ACSS3: variants seen among roughly 807,000 people sequenced by gnomAD.
ACSS3 encodes the protein acyl-CoA synthetase short-chain family member 3, mitochondrial.
Under a neutral mutation model 84.2 loss-of-function variants are expected in ACSS3, and 64 were observed. The observed-to-expected ratio is 0.76, with a 90% CI of 0.62 to 0.94. The LOEUF is 0.94. ACSS3 is among the 40% of genes least tolerant of loss of function. The pLI, the probability that ACSS3 is intolerant of heterozygous loss-of-function variation, is 0.00. For missense variants in ACSS3, 815 were observed against 867.6 expected (o/e 0.94, Z 0.76); for synonymous variants, 317 against 310.1 (o/e 1.02, Z -0.23).
intron 9 of ACSS3, among the ~76,000 whole-genome samples, chr12:81,210,981 ATTG>A (rs1479100592): frequency 6.6e-6 from 1 of 151,856 alleles, no homozygotes; most frequent in African/African-American, 2.4e-5. Context: ...TTAATTTTCC[ATTG>A]TTGTTGTTTC....
intron 9 of ACSS3, among the ~76,000 whole-genome samples, chr12:81,207,685 G>A (rs10506274): frequency 1.3e-5 from 2 of 151,914 alleles, no homozygotes; most frequent in South Asian, 2.1e-4. Flanking sequence ...CGGAACTTAC[G>A]TTTGAGAAAA....
intron 8 of ACSS3, among the ~76,000 whole-genome samples, chr12:81,197,954 C>A (rs998260015): frequency 1.3e-5 from 2 of 152,122 alleles, no homozygotes; most frequent in African/African-American, 4.8e-5. Flanking sequence ...CCCCGCTTAG[C>A]CTCCCAGGTC....
intron 13 of ACSS3, among the ~76,000 whole-genome samples, chr12:81,243,357 A>C (rs1439224130): frequency 6.6e-6 from 1 of 152,212 alleles, no homozygotes; most frequent in East Asian, 1.9e-4. Flanking sequence ...ATGAAATAAA[A>C]GAGGATACAA....
intron 5 of ACSS3, among the ~76,000 whole-genome samples, chr12:81,150,078 A>G (rs1313401853): frequency 1.3e-5 from 2 of 152,160 alleles, no homozygotes; most frequent in East Asian, 3.8e-4. Flanking sequence ...CAATTGAATT[A>G]CTACTCAGTT....
chr12:81,121,968 C>G (rs190823440), intron 2 of ACSS3, among the ~76,000 whole-genome samples: 5 of 145,918 alleles, frequency 3.4e-5, no homozygotes, highest in Admixed American at 6.7e-5. Context: ...GAGTCTTGCT[C>G]TGCTGCCCAG....
chr12:81,230,911 A>G (rs1276211174), intron 11 of ACSS3, 146 bp from the exon 12 acceptor site: 6 of 664,184 alleles, frequency 9.0e-6, no homozygotes, highest in Non-Finnish European at 1.5e-5. Context: ...TCTGTTAGAC[A>G]TGATCTGTCC....
intron 10 of ACSS3, among the ~76,000 whole-genome samples, 191 bp from the exon 11 acceptor site, chr12:81,219,822 T>A (rs2033041349): frequency 6.6e-6 from 1 of 152,070 alleles, no homozygotes; most frequent in Admixed American, 6.6e-5. Context: ...TCTGATGTTA[T>A]TAGGAATCAG....
At chr12:81,093,280 T>C (rs1417381385) in intron 1 of ACSS3, among the ~76,000 whole-genome samples, 1 of 151,852 alleles carries the variant, frequency 6.6e-6, no homozygotes, top group Non-Finnish European at 1.5e-5. Flanking sequence ...TGAGACCCCA[T>C]CTCTACTGAA....
intron 2 of ACSS3, among the ~76,000 whole-genome samples, chr12:81,126,856 A>C (rs575021707): frequency 2.0e-5 from 3 of 152,192 alleles, no homozygotes; most frequent in African/African-American, 7.2e-5. Flanking sequence ...AATTCTGAGT[A>C]ATGGTATTTA....
At chr12:81,220,135 A>C (rs1400839140) in intron 11 of ACSS3, 59 bp downstream of exon 11, 28 of 1,094,966 alleles carry the variant, frequency 2.6e-5, no homozygotes, top group Non-Finnish European at 3.4e-5. Context: ...ATATACTAAG[A>C]AAAAATGGGG....
At chr12:81,204,120 G>T (rs527605950) in intron 9 of ACSS3, among the ~76,000 whole-genome samples, 1 of 151,926 alleles carries the variant, frequency 6.6e-6, no homozygotes. Flanking sequence ...GTGCATGGTG[G>T]CCTTCGTGGG....
At chr12:81,082,455 C>A (rs1387304670) in intron 1 of ACSS3, among the ~76,000 whole-genome samples, 1 of 151,982 alleles carries the variant, frequency 6.6e-6, no homozygotes, top group Non-Finnish European at 1.5e-5. Context: ...AAACTGAGAT[C>A]AAAATGAGTA....
chr12:81,184,291 C>G (rs1488469464), intron 8 of ACSS3, among the ~76,000 whole-genome samples: 4 of 151,830 alleles, frequency 2.6e-5, no homozygotes, highest in Non-Finnish European at 5.9e-5. Context: ...GCAGCAAAAG[C>G]AGTTCCAGGA....
chr12:81,247,435 A>G (rs1028357117), intron 13 of ACSS3, among the ~76,000 whole-genome samples: 2 of 152,136 alleles, frequency 1.3e-5, no homozygotes, highest in African/African-American at 2.4e-5. Context: ...CAGCAGAATG[A>G]GATAGGCAGA....
chr12:81,259,396 A>C lies in ACSS3; in HGVS notation c.*4474A>C. ...ATATTACAATAAAACATGAAAAACAACTGGCTTCATTTCATAAAAGCATCT... is the reference window on the plus strand; with the variant it reads ...ATATTACAATAAAACATGAAAAACACCTGGCTTCATTTCATAAAAGCATCT... On this transcript the variant is annotated 3_prime_UTR_variant, in exon 16 of 16. Coordinates refer to ENST00000548058, the MANE Select transcript of ACSS3 (RefSeq NM_024560.4). 1.6e-6 allele frequency: 1 copy of C among 641,552 alleles called. No individual in the cohort carries two copies. The highest frequency in any genetic ancestry group is 2.8e-6 in the Non-Finnish European group (1 of 352,758). The allele number at this position is 641,552 out of a possible 1,614,324, so 39.7% of individuals were successfully genotyped here.
intron 7 of ACSS3, among the ~76,000 whole-genome samples, chr12:81,162,300 G>A (rs897010448): frequency 6.6e-6 from 1 of 152,198 alleles, no homozygotes; most frequent in Non-Finnish European, 1.5e-5. Context: ...TCTGGAGGCA[G>A]GTCATCCCAA....
At chr12:81,151,630 TA>T (rs1886613387) in intron 5 of ACSS3, 3 of 427,418 alleles carry the variant, frequency 7.0e-6, no homozygotes, top group Non-Finnish European at 1.2e-5. Flanking sequence ...GAATGGATTC[TA>T]AAAATGGCAC....
chr12:81,100,830 A>G (rs1306147279), intron 1 of ACSS3, among the ~76,000 whole-genome samples: 1 of 152,190 alleles, frequency 6.6e-6, no homozygotes, highest in East Asian at 1.9e-4. Flanking sequence ...ATATGTAGTA[A>G]GTACCCACTG....
intron 8 of ACSS3, among the ~76,000 whole-genome samples, chr12:81,178,029 G>A (rs1020146258): frequency 6.6e-6 from 1 of 152,170 alleles, no homozygotes; most frequent in Non-Finnish European, 1.5e-5. Context: ...GTTTACTGCA[G>A]CACTATTCAC....
Sources: gnomAD v4.1 joint callset for allele counts (sites outside exome capture counted in the v4.1 genomes callset) on GRCh38, gnomAD v4.1.1 for gene constraint, MANE v1.5 for transcripts, NCBI Gene and HGNC (gene_info 2026-07-23, HGNC 2026-07-21) for gene names.